Variants in DLGAP1 observed in about 807,000 individuals in gnomAD.
DLGAP1 encodes the protein disks large-associated protein 1.
DLGAP1 carries 11 observed loss-of-function variants against 90.8 expected under a neutral mutation model. The ratio of observed to expected loss-of-function variants is 0.12; its 90% CI spans 0.08 to 0.20. The LOEUF is 0.20. Among genes scored for constraint, DLGAP1 ranks in the 10% least tolerant of loss-of-function variants. The pLI is 1.00. For synonymous variants in DLGAP1, 558 were observed against 540.7 expected (o/e 1.03, Z -0.44); for missense variants, 1,050 against 1,333.8 (o/e 0.79, Z 3.31).
rs191974482 is a variant in DLGAP1, at chr18:3,802,711, G to A, written c.1172+11348C>T. Reference sequence around the variant, plus strand: ...CAAAATTGTTTTCATTGCTCTTGGCGGCACTGAATCGTATATGTGCAGTGG... The same window carrying A: ...CAAAATTGTTTTCATTGCTCTTGGCAGCACTGAATCGTATATGTGCAGTGG... On this transcript the variant is annotated intron_variant, in intron 5 of 12. Coordinates refer to ENST00000315677, the MANE Select transcript of DLGAP1 (RefSeq NM_004746.4). Among the ~76,000 whole-genome samples, 66 of 146,310 alleles carry A rather than the reference G, an allele frequency of 4.5e-4. 2 individuals carry two copies. The East Asian group carries it at 8.9e-3, about 20-fold the overall frequency.
chr18:3,718,601 G>A (rs2061843945), intron 7 of DLGAP1, among the ~76,000 whole-genome samples: 1 of 152,060 alleles, frequency 6.6e-6, no homozygotes, highest in South Asian at 2.1e-4. Context: ...AATCTCAGAA[G>A]GAGGAGGATG....
intron 4 of DLGAP1, among the ~76,000 whole-genome samples, chr18:3,825,924 CTA>C (rs2067685665): frequency 6.6e-6 from 1 of 152,118 alleles, no homozygotes; most frequent in Non-Finnish European, 1.5e-5. Context: ...TACATATACA[CTA>C]TGGAATACTA....
At chr18:3,935,681 G>A (rs923884301) in intron 3 of DLGAP1, among the ~76,000 whole-genome samples, 1 of 152,142 alleles carries the variant, frequency 6.6e-6, no homozygotes, top group African/African-American at 2.4e-5. Context: ...TAATAGCTAG[G>A]GGTCTATGTA....
intron 1 of DLGAP1, among the ~76,000 whole-genome samples, chr18:4,200,317 TGTAA>T (rs895048741): frequency 2.0e-5 from 3 of 151,944 alleles, no homozygotes; most frequent in African/African-American, 7.2e-5. Context: ...ATAGATTCTT[TGTAA>T]GTCTTACTAA....
At chr18:3,700,326 G>A (rs1026540649) in intron 7 of DLGAP1, among the ~76,000 whole-genome samples, 4 of 152,170 alleles carry the variant, frequency 2.6e-5, no homozygotes, top group Non-Finnish European at 4.4e-5. Flanking sequence ...GAGCCGGAAC[G>A]CACTGTTCCT....
chr18:3,848,036 G>A (rs2069113129), intron 4 of DLGAP1, among the ~76,000 whole-genome samples: 1 of 147,526 alleles, frequency 6.8e-6, no homozygotes, highest in African/African-American at 2.5e-5. Flanking sequence ...GCTGAGGTGG[G>A]AGGATCCTTT....
At chr18:4,384,296 A>C (rs982811228) in intron 1 of DLGAP1, among the ~76,000 whole-genome samples, 4 of 152,162 alleles carry the variant, frequency 2.6e-5, no homozygotes, top group African/African-American at 9.6e-5. Flanking sequence ...CAGAGAAGTT[A>C]TTAAGTTAAT....
intron 7 of DLGAP1, among the ~76,000 whole-genome samples, chr18:3,716,633 A>G (rs972478620): frequency 6.6e-6 from 1 of 152,302 alleles, no homozygotes; most frequent in Non-Finnish European, 1.5e-5. Flanking sequence ...TTTGGTTCCA[A>G]TATCAAAGAT....
At chr18:4,093,716 A>G (rs1043927768) in intron 2 of DLGAP1, among the ~76,000 whole-genome samples, 1 of 152,108 alleles carries the variant, frequency 6.6e-6, no homozygotes, top group African/African-American at 2.4e-5. Flanking sequence ...GGGGCATGGT[A>G]GCTGTTCTCT....
intron 1 of DLGAP1, among the ~76,000 whole-genome samples, chr18:4,399,567 C>T (rs991288545): frequency 9.2e-5 from 14 of 152,154 alleles, no homozygotes; most frequent in Non-Finnish European, 1.2e-4. Flanking sequence ...TATTTTACAA[C>T]GTCTTAGGAT....
rs189171132 is a variant in DLGAP1 at position 3,755,581 on chromosome 18, C to T, written c.1173-13069G>A. Among the ~76,000 whole-genome samples the T allele has an allele frequency of 2.4e-4, 37 of 152,140 alleles. No homozygotes were observed. In the East Asian group the frequency reaches 6.8e-3, roughly 28 times the overall value. On this transcript the variant is annotated intron_variant, in intron 5 of 12. Transcript: ENST00000315677. ...ACAAAGTTAATAAAGACACAAGGGGCGTCTTATAACAACAAAAGTCTTAGT... is the reference window on the plus strand; with the variant it reads ...ACAAAGTTAATAAAGACACAAGGGGTGTCTTATAACAACAAAAGTCTTAGT...
At chr18:4,105,257 G>A (rs1262463953) in intron 2 of DLGAP1, among the ~76,000 whole-genome samples, 1 of 152,168 alleles carries the variant, frequency 6.6e-6, no homozygotes, top group Non-Finnish European at 1.5e-5. Flanking sequence ...GGGCACTGAA[G>A]TATGCCAGCC....
At chr18:4,193,200 A>T (rs2077433799) in intron 1 of DLGAP1, among the ~76,000 whole-genome samples, 1 of 152,224 alleles carries the variant, frequency 6.6e-6, no homozygotes, top group South Asian at 2.1e-4. Context: ...CATGCTGCAG[A>T]GAAGAGACTC....
intron 1 of DLGAP1, among the ~76,000 whole-genome samples, chr18:4,175,036 C>T (rs889923563): frequency 6.6e-6 from 1 of 152,140 alleles, no homozygotes; most frequent in African/African-American, 2.4e-5. Flanking sequence ...TACTTTCTCA[C>T]CAACAGTGTA....
chr18:3,614,088 A>C (rs924294779), intron 7 of DLGAP1, among the ~76,000 whole-genome samples: 1 of 151,878 alleles, frequency 6.6e-6, no homozygotes, highest in African/African-American at 2.4e-5. Context: ...CACCCGGCTA[A>C]AGTTTGTATT....
At chr18:4,125,676 G>A (rs2076221903) in intron 2 of DLGAP1, among the ~76,000 whole-genome samples, 1 of 152,144 alleles carries the variant, frequency 6.6e-6, no homozygotes, top group Non-Finnish European at 1.5e-5. Context: ...ACAAATCCAG[G>A]AAGGTGTGTA....
chr18:3,536,228 T>A (rs1199715249), intron 9 of DLGAP1, among the ~76,000 whole-genome samples: 2 of 103,206 alleles, frequency 1.9e-5, no homozygotes, highest in Non-Finnish European at 5.2e-5. Flanking sequence ...TCTTTCTTTT[T>A]TTTTTTTTTT....
At chr18:3,535,396 G>A (rs573168389) in intron 9 of DLGAP1, among the ~76,000 whole-genome samples, 58 of 152,162 alleles carry the variant, frequency 3.8e-4, no homozygotes, top group African/African-American at 1.4e-3. Context: ...TATCTTAGTC[G>A]GGGTAATTTG....
At chr18:3,784,306 C>A (rs554109976) in intron 5 of DLGAP1, among the ~76,000 whole-genome samples, 18 of 152,136 alleles carry the variant, frequency 1.2e-4, no homozygotes, top group East Asian at 3.9e-4. Flanking sequence ...TTGGACCCCC[C>A]CTAGTTGTTG....
Sources: allele counts gnomAD v4.1 joint callset (sites outside exome capture counted in the v4.1 genomes callset), GRCh38; gene constraint gnomAD v4.1.1; transcripts MANE v1.5; gene names NCBI Gene and HGNC (gene_info 2026-07-23, HGNC 2026-07-21).